NCAPG2: variants seen among roughly 807,000 people sequenced by gnomAD.
NCAPG2 encodes non-SMC condensin II complex subunit G2.
In NCAPG2, 53 loss-of-function variants were observed where a neutral mutation model predicts 141.1. That is an observed-to-expected ratio of 0.38 (90% CI 0.30 to 0.47). The LOEUF is 0.47. NCAPG2 is among the 20% of genes least tolerant of loss of function. The pLI, the probability that NCAPG2 is intolerant of heterozygous loss-of-function variation, is 0.99. For missense variants in NCAPG2, 1,087 were observed against 1,389.0 expected (o/e 0.78, Z 3.46); for synonymous variants, 499 against 490.7 (o/e 1.02, Z -0.22).
intron 13 of NCAPG2, among the ~76,000 whole-genome samples, chr7:158,667,869 T>G (rs5888767): frequency 0.072 from 63 of 870 alleles, no homozygotes; most frequent in East Asian, 0.14. Flanking sequence ...CCCTCCGCCC[T>G]CCTTACCCAC....
rs1482571999 is a variant in NCAPG2, at chr7:158,633,430, A to C, written c.3381-1713T>G. Among the ~76,000 whole-genome samples, 1 of 152,146 alleles carries C rather than the reference A, an allele frequency of 6.6e-6. No individual in the cohort carries two copies. Among genetic ancestry groups the C allele is most frequent in the Non-Finnish European group, 1.5e-5 (1 of 68,032 alleles). On this transcript the variant is annotated intron_variant, in intron 27 of 27. Transcript: ENST00000356309. This position sits in a 1 kb window ranked among gnomAD's most constrained non-coding sequence, Gnocchi z 4.1. ...CTATCACTCTGGAAGCGCCTGGGCC[A>C]CCCTCTGTGTGGTTATTTCTGCCTG...
intron 13 of NCAPG2, among the ~76,000 whole-genome samples, chr7:158,669,541 T>A (rs1181744356): frequency 6.6e-6 from 1 of 151,778 alleles, no homozygotes; most frequent in Non-Finnish European, 1.5e-5. Context: ...AACAGGTGGA[T>A]CCCCTGAGGT....
At chr7:158,637,753 G>T (rs1830385688) in intron 27 of NCAPG2, among the ~76,000 whole-genome samples, 1 of 152,160 alleles carries the variant, frequency 6.6e-6, no homozygotes, top group East Asian at 1.9e-4. Context: ...CTCACCTAGG[G>T]TTGGAGGTGT....
chr7:158,685,239 C>T lies in NCAPG2; in HGVS notation c.837+933G>A, dbSNP rs1008263380. 3.9e-5 allele frequency among the ~76,000 whole-genome samples: 6 copies of T among 152,212 alleles called. No homozygotes were observed. In the East Asian group the frequency reaches 7.7e-4, roughly 20 times the overall value. ...TCATAACATAAATACTATGTATTCA[C>T]CAGAGTTACCCATAATCAAAGAAAA... On this transcript the variant is annotated intron_variant, in intron 8 of 27. Coordinates refer to ENST00000356309, the MANE Select transcript of NCAPG2 (RefSeq NM_017760.7).
chr7:158,664,484 G>A (rs765420592), intron 14 of NCAPG2, 44 bp downstream of exon 14: 1 of 1,584,318 alleles, frequency 6.3e-7, no homozygotes, highest in Non-Finnish European at 8.6e-7. Flanking sequence ...TTATGCTTTT[G>A]GGGGAAAACA....
intron 13 of NCAPG2, among the ~76,000 whole-genome samples, chr7:158,669,768 C>CAAAAAAAAAAAAAAAAAAAAAAA (rs567875836): frequency 3.7e-5 from 2 of 53,672 alleles, no homozygotes; most frequent in Non-Finnish European, 6.4e-5. Flanking sequence ...GACTCTGTCT[C>CAAAAAAAAAAAAAAAAAAAAAAA]AAAAAAAAAA....
chr7:158,685,582 A>G (rs1405497265), intron 8 of NCAPG2, among the ~76,000 whole-genome samples: 1 of 152,196 alleles, frequency 6.6e-6, no homozygotes, highest in African/African-American at 2.4e-5. Flanking sequence ...TAGATTACTT[A>G]TAATACTTAA....
At chr7:158,641,976 CAA>C (rs1419346349) in intron 27 of NCAPG2, among the ~76,000 whole-genome samples, 1 of 152,058 alleles carries the variant, frequency 6.6e-6, no homozygotes, top group Non-Finnish European at 1.5e-5. Flanking sequence ...GAACACTCAC[CAA>C]GAGAGAACAC....
intron 27 of NCAPG2, among the ~76,000 whole-genome samples, chr7:158,641,752 A>G (rs950149815): frequency 2.6e-5 from 4 of 152,206 alleles, no homozygotes; most frequent in African/African-American, 9.7e-5. Flanking sequence ...ACAGAGCATC[A>G]AACTGTGTGA....
intron 7 of NCAPG2, among the ~76,000 whole-genome samples, chr7:158,686,891 T>C (rs1834786263): frequency 6.6e-6 from 1 of 152,208 alleles, no homozygotes; most frequent in Admixed American, 6.5e-5. Flanking sequence ...AATGAAGTAC[T>C]CTGCCTTGTG....
At chr7:158,677,847 G>A (rs1834189903) in intron 11 of NCAPG2, among the ~76,000 whole-genome samples, 2 of 152,018 alleles carry the variant, frequency 1.3e-5, no homozygotes, top group African/African-American at 4.8e-5. Context: ...GTCTTGCTCT[G>A]TCACCCAGGC....
chr7:158,680,905 T>C, intron 9 of NCAPG2, 89 bp from the exon 10 acceptor site: 1 of 944,162 alleles, frequency 1.1e-6, no homozygotes, highest in Non-Finnish European at 1.6e-6. Context: ...ACAGGGAGAA[T>C]TGTTCTCTCC....
At chr7:158,668,452 T>C (rs1449572167) in intron 13 of NCAPG2, 1 of 978,516 alleles carries the variant, frequency 1.0e-6, no homozygotes, top group African/African-American at 1.8e-5. Context: ...TATAAAATAA[T>C]GGTAGAGTGG....
At chr7:158,683,421 T>TGC in intron 8 of NCAPG2, 35 bp from the exon 9 acceptor site, 1 of 1,516,036 alleles carries the variant, frequency 6.6e-7, no homozygotes, top group African/African-American at 1.4e-5. Context: ...GCACTTGGTG[T>TGC]GTGTGTGTCC....
At chr7:158,636,839 T>C (rs1830235103) in intron 27 of NCAPG2, among the ~76,000 whole-genome samples, 1 of 152,232 alleles carries the variant, frequency 6.6e-6, no homozygotes. Context: ...ATTTACATCA[T>C]TGCCACTTAT....
intron 2 of NCAPG2, among the ~76,000 whole-genome samples, chr7:158,701,498 G>A (rs1835788041): frequency 6.6e-6 from 1 of 152,158 alleles, no homozygotes. Context: ...CTAGCCCCCA[G>A]CCTCATCTTC....
intron 15 of NCAPG2, among the ~76,000 whole-genome samples, chr7:158,662,752 A>G (rs974467784): frequency 7.2e-5 from 11 of 152,000 alleles, no homozygotes; most frequent in African/African-American, 2.7e-4. Flanking sequence ...GGGGGAGGGG[A>G]ATGGTGAAGG....
intron 14 of NCAPG2, 53 bp downstream of exon 14, chr7:158,664,475 T>C (rs1003284617): frequency 5.1e-6 from 8 of 1,580,982 alleles, no homozygotes; most frequent in Non-Finnish European, 6.9e-6. Flanking sequence ...TAATTTGTAT[T>C]ATGCTTTTGG....
intron 27 of NCAPG2, among the ~76,000 whole-genome samples, chr7:158,632,114 T>C (rs926137309): frequency 6.6e-6 from 1 of 152,182 alleles, no homozygotes; most frequent in African/African-American, 2.4e-5. Flanking sequence ...CAAGATACTC[T>C]ACTACCATGA....
Sources: gnomAD v4.1 joint callset for allele counts (sites outside exome capture counted in the v4.1 genomes callset) on GRCh38, gnomAD v4.1.1 for gene constraint, Gnocchi (gnomAD v3.1) non-coding constraint, MANE v1.5 for transcripts, NCBI Gene and HGNC (gene_info 2026-07-23, HGNC 2026-07-21) for gene names.